The following CEP85L variants were observed in gnomAD, a reference collection of about 807,000 sequenced individuals.
CEP85L encodes centrosomal protein 85L.
In CEP85L, 60 loss-of-function variants were observed where a neutral mutation model predicts 100.3. The observed-to-expected ratio is 0.60, with a 90% CI of 0.49 to 0.74. The LOEUF is 0.74. Among genes scored for constraint, CEP85L ranks in the 30% least tolerant of loss-of-function variants. The pLI is 0.00. For missense variants in CEP85L, 973 were observed against 936.2 expected, an observed-to-expected ratio of 1.04 and a Z score of -0.51; for synonymous variants, 319 against 322.7, an observed-to-expected ratio of 0.99 and a Z score of 0.12.
At chr6:118,610,679 A>G in intron 2 of CEP85L, among the ~76,000 whole-genome samples, 1 of 152,168 alleles carries the variant, frequency 6.6e-6, no homozygotes, top group Admixed American at 6.5e-5. Context: ...ATAACTTTCA[A>G]CTACAAGACC....
At chr6:118,607,413 T>C (rs1409598440) in intron 2 of CEP85L, among the ~76,000 whole-genome samples, 1 of 152,152 alleles carries the variant, frequency 6.6e-6, no homozygotes, top group African/African-American at 2.4e-5. Flanking sequence ...CAAAGAGATC[T>C]TTTCCAGCCA....
chr6:118,601,646 TC>T (rs1220534918), intron 2 of CEP85L, among the ~76,000 whole-genome samples: 1 of 152,178 alleles, frequency 6.6e-6, no homozygotes, highest in Non-Finnish European at 1.5e-5. Context: ...GACAGTGTAG[TC>T]CTATGGGCTG....
At chr6:118,612,609 C>T (rs1347691832) in intron 2 of CEP85L, among the ~76,000 whole-genome samples, 17 of 135,596 alleles carry the variant, frequency 1.3e-4, no homozygotes, top group African/African-American at 3.0e-4. Flanking sequence ...GGCAGTGAGC[C>T]GAGACTGCAC....
chr6:118,480,058 T>G, intron 9 of CEP85L, 137 bp from the exon 10 acceptor site: 1 of 565,672 alleles, frequency 1.8e-6, no homozygotes, highest in Non-Finnish European at 3.1e-6. Context: ...AAAGTATCCT[T>G]ATGATTTGGG....
At chr6:118,610,110 CAT>C (rs1199316487) in intron 2 of CEP85L, among the ~76,000 whole-genome samples, 5 of 152,132 alleles carry the variant, frequency 3.3e-5, no homozygotes, top group Non-Finnish European at 7.4e-5. Flanking sequence ...CATCACCACA[CAT>C]AGAGTTACCT....
chr6:118,505,480 CCTGGAAAACCA>C (rs1314189106), intron 5 of CEP85L, among the ~76,000 whole-genome samples: 2 of 145,760 alleles, frequency 1.4e-5, no homozygotes, highest in Admixed American at 6.8e-5. Context: ...TATATGCATT[CCTGGAAAACCA>C]CTGGAAAATC....
chr6:118,466,285 T>C (rs1291824437), intron 12 of CEP85L, among the ~76,000 whole-genome samples: 2 of 152,316 alleles, frequency 1.3e-5, no homozygotes, highest in East Asian at 1.9e-4. Context: ...ACCTTCATAG[T>C]AGTTTATTGT....
chr6:118,618,733 C>T (rs909180957), intron 2 of CEP85L, among the ~76,000 whole-genome samples: 6 of 152,164 alleles, frequency 3.9e-5, no homozygotes, highest in African/African-American at 1.4e-4. Context: ...GTTGTTCTCT[C>T]AGCCCTGGCC....
chr6:118,481,829 CTG>C lies in CEP85L; in HGVS notation c.1693_1694del (p.Gln565ValfsTer27). On this transcript the variant is annotated frameshift_variant, in exon 8 of 13. Coordinates refer to ENST00000368491, the MANE Select transcript of CEP85L (RefSeq NM_001042475.3). LOFTEE classifies it high-confidence loss of function. ...TTTCTTTCTTTTTCTGGCATATTAA[CTG>C]TGTCTCTTTATCTTGACACTGCTTT... ...IKKQCQDKET[Q>X]LICQKKKEKE... 6.3e-7 allele frequency: 1 copy of C among 1,599,444 alleles called. No homozygotes were observed.
At chr6:118,649,860 AC>A (rs1049839208) in intron 1 of CEP85L, among the ~76,000 whole-genome samples, 169 of 152,324 alleles carry the variant, frequency 1.1e-3, no homozygotes, top group African/African-American at 3.9e-3. Flanking sequence ...TCAGGACCAA[AC>A]TTAAGTGAAT....
chr6:118,694,367 A>C (rs980596730), intron 1 of CEP85L, among the ~76,000 whole-genome samples: 3 of 152,212 alleles, frequency 2.0e-5, no homozygotes, highest in Admixed American at 6.5e-5. Context: ...GAAAGAAAAA[A>C]TAAAAGGAAA....
At chr6:118,510,929 A>G (rs1339325569) in intron 5 of CEP85L, among the ~76,000 whole-genome samples, 1 of 152,062 alleles carries the variant, frequency 6.6e-6, no homozygotes, top group African/African-American at 2.4e-5. Context: ...AGAAATAATC[A>G]CTGTGTGTTA....
intron 3 of CEP85L, among the ~76,000 whole-genome samples, chr6:118,544,684 T>C (rs549869613): frequency 2.1e-4 from 32 of 152,260 alleles, no homozygotes; most frequent in South Asian, 4.1e-4. Context: ...AATTCAGATA[T>C]TTATGAAAAA....
At position 118,608,675 on chromosome 6, in the gene CEP85L, T is replaced by C. The variant is rs552599586; in HGVS notation, c.232+23778A>G. Among the ~76,000 whole-genome samples the C allele has an allele frequency of 4.6e-5, 7 of 152,316 alleles. No individual in the cohort carries two copies. The South Asian group carries it at 1.5e-3, about 32-fold the overall frequency. ...GCTGCTTTAAAATGCTGTCTTTATA[T>C]CATGTATTAAATTTCCATATACGCA... On this transcript the variant is annotated intron_variant, in intron 2 of 12. Coordinates refer to ENST00000368491, the MANE Select transcript of CEP85L (RefSeq NM_001042475.3).
chr6:118,634,061 C>T (rs1217712220), intron 1 of CEP85L, among the ~76,000 whole-genome samples: 1 of 152,182 alleles, frequency 6.6e-6, no homozygotes, highest in African/African-American at 2.4e-5. Flanking sequence ...CTGTGTTTTG[C>T]GGTTGAAATA....
intron 2 of CEP85L, among the ~76,000 whole-genome samples, chr6:118,614,101 C>T (rs1396529008): frequency 1.3e-5 from 2 of 151,980 alleles, no homozygotes; most frequent in Non-Finnish European, 1.5e-5. Context: ...TAAAATGCAC[C>T]ACCATATCAA....
In CEP85L at chr6:118,645,868, G is replaced by T. The variant is rs144306382; in HGVS notation, c.73+5329C>A. ...CTAATGCCAAGGTAACAAGCACTATGCTAGGTAACCATTTTTTTTTTAATT... is the reference window on the plus strand; with the variant it reads ...CTAATGCCAAGGTAACAAGCACTATTCTAGGTAACCATTTTTTTTTTAATT... On this transcript the variant is annotated intron_variant, in intron 1 of 12. Coordinates refer to ENST00000368491, the MANE Select transcript of CEP85L (RefSeq NM_001042475.3). 1.8e-4 allele frequency among the ~76,000 whole-genome samples: 28 copies of T among 152,272 alleles called. 1 individual carries two copies. The highest frequency in any genetic ancestry group is 6.7e-4 in the African/African-American group (28 of 41,560).
At chr6:118,528,603 A>G (rs1777108853) in intron 3 of CEP85L, among the ~76,000 whole-genome samples, 1 of 152,164 alleles carries the variant, frequency 6.6e-6, no homozygotes, top group Non-Finnish European at 1.5e-5. Context: ...CTGATTCATA[A>G]AATAGTTAAT....
chr6:118,701,054 C>G (rs189034739), intron 1 of CEP85L, among the ~76,000 whole-genome samples: 1 of 152,260 alleles, frequency 6.6e-6, no homozygotes, highest in African/African-American at 2.4e-5. Context: ...AGACATAATC[C>G]CAAAGCCACA....
Sources: gnomAD v4.1 joint callset for allele counts (sites outside exome capture counted in the v4.1 genomes callset) on GRCh38, gnomAD v4.1.1 for gene constraint, MANE v1.5 for transcripts, NCBI Gene and HGNC (gene_info 2026-07-23, HGNC 2026-07-21) for gene names.